Variants in ATXN7L1 observed in about 807,000 individuals in gnomAD.
ATXN7L1 encodes the protein ataxin 7 like 1.
In ATXN7L1, 15 loss-of-function variants were observed where a neutral mutation model predicts 70.8. The ratio of observed to expected loss-of-function variants is 0.21; its 90% CI spans 0.14 to 0.33. The LOEUF is 0.33. Among genes scored for constraint, ATXN7L1 ranks in the 10% least tolerant of loss-of-function variants. ATXN7L1 has a pLI of 1.00. For synonymous variants in ATXN7L1, 440 were observed against 445.1 expected (o/e 0.99, Z 0.14); for missense variants, 975 against 1,097.1 (o/e 0.89, Z 1.57).
chr7:105,681,208 C>CCT (rs1171586437), intron 3 of ATXN7L1, among the ~76,000 whole-genome samples: 2 of 152,130 alleles, frequency 1.3e-5, no homozygotes, highest in Admixed American at 1.3e-4. Flanking sequence ...GGGTGGATCA[C>CCT]GAGGTCAGGA....
At chr7:105,697,772 T>C (rs1563015367) in intron 3 of ATXN7L1, among the ~76,000 whole-genome samples, 3 of 152,222 alleles carry the variant, frequency 2.0e-5, no homozygotes, top group Non-Finnish European at 4.4e-5. Flanking sequence ...AGTATTAATT[T>C]GGGGAAGTAA....
intron 3 of ATXN7L1, chr7:105,761,507 A>T: frequency 6.2e-7 from 1 of 1,606,084 alleles, no homozygotes; most frequent in Non-Finnish European, 8.5e-7. Flanking sequence ...GAATGGTATC[A>T]ACATGGCTCC....
At chr7:105,842,549 C>CT (rs1024134232) in intron 2 of ATXN7L1, among the ~76,000 whole-genome samples, 66 of 152,100 alleles carry the variant, frequency 4.3e-4, no homozygotes, top group Non-Finnish European at 7.8e-4. Flanking sequence ...TATTTCACGC[C>CT]TTTTTTTGGC....
At chr7:105,639,430 C>G in intron 6 of ATXN7L1, 57 bp downstream of exon 6, 1 of 1,393,720 alleles carries the variant, frequency 7.2e-7, no homozygotes, top group Non-Finnish European at 1.0e-6. Flanking sequence ...GGCATGCAAA[C>G]ATTTCGACAA....
At chr7:105,683,750 C>T (rs1212934535) in intron 3 of ATXN7L1, among the ~76,000 whole-genome samples, 2 of 152,096 alleles carry the variant, frequency 1.3e-5, no homozygotes, top group Non-Finnish European at 2.9e-5. Context: ...CACAAACACA[C>T]GCACATGCAC....
intron 2 of ATXN7L1, among the ~76,000 whole-genome samples, chr7:105,862,643 T>A (rs1157659879): frequency 6.6e-6 from 1 of 151,834 alleles, no homozygotes; most frequent in Admixed American, 6.6e-5. Context: ...AGGAGGTGAT[T>A]AATTAGGAGA....
intron 8 of ATXN7L1, among the ~76,000 whole-genome samples, chr7:105,623,651 G>C (rs1291622240): frequency 6.6e-6 from 1 of 152,174 alleles, no homozygotes; most frequent in Non-Finnish European, 1.5e-5. Context: ...GCTGGCCCCT[G>C]ACACGCTGCT....
intron 7 of ATXN7L1, among the ~76,000 whole-genome samples, chr7:105,634,662 G>GA (rs1297824832): frequency 1.3e-5 from 2 of 152,020 alleles, no homozygotes; most frequent in East Asian, 3.9e-4. Flanking sequence ...GGCCTCAGAT[G>GA]AAAAAAACTA....
At position 105,604,987 on chromosome 7, in the gene ATXN7L1, A is replaced by AT. The variant is rs1473008276; in HGVS notation, c.*2864dup. 1 of 147,556 alleles carries AT rather than the reference A, an allele frequency of 6.8e-6. No homozygotes were observed. The highest frequency in any genetic ancestry group is 1.5e-5 in the Non-Finnish European group (1 of 67,092). 9.1% of individuals were successfully genotyped at this position (147,556 alleles called of 1,614,324 possible). A position where few individuals can be genotyped will look rare whatever the true frequency, so the allele number is the denominator to read the frequency against. On this transcript the variant is annotated 3_prime_UTR_variant, in exon 12 of 12. Transcript: ENST00000419735. The stretch of plus-strand genomic sequence containing the variant: ...CTATTCTCTACAAAGGTTGATCAGC[A>AT]TTATTTACAATTGGTACATTGATAC...
chr7:105,692,481 C>G (rs1188279065), intron 3 of ATXN7L1, among the ~76,000 whole-genome samples: 1 of 140,114 alleles, frequency 7.1e-6, no homozygotes, highest in Non-Finnish European at 1.5e-5. Flanking sequence ...GAGTCTGGCT[C>G]TGTCACCCAG....
At chr7:105,875,920 A>T (rs1043598043) in intron 1 of ATXN7L1, 40 bp from the exon 2 acceptor site, 2 of 1,593,968 alleles carry the variant, frequency 1.3e-6, no homozygotes, top group African/African-American at 2.7e-5. Context: ...AAATAAGGAA[A>T]AAAGGGGGGA....
chr7:105,653,993 G>T (rs182011064), intron 4 of ATXN7L1, among the ~76,000 whole-genome samples: 136 of 152,252 alleles, frequency 8.9e-4, no homozygotes, highest in Admixed American at 4.9e-3. Flanking sequence ...CTATGGCAAG[G>T]TTTTATTTCT....
chr7:105,836,277 T>C (rs747528411), intron 2 of ATXN7L1, among the ~76,000 whole-genome samples: 1 of 152,060 alleles, frequency 6.6e-6, no homozygotes, highest in African/African-American at 2.4e-5. Flanking sequence ...CAAGAGAAAA[T>C]ATTTAGCCGA....
At chr7:105,827,729 A>G (rs550475348) in intron 2 of ATXN7L1, among the ~76,000 whole-genome samples, 5 of 152,270 alleles carry the variant, frequency 3.3e-5, no homozygotes, top group African/African-American at 1.2e-4. Context: ...CAACAACCCT[A>G]TGAAGTAGCT....
intron 3 of ATXN7L1, among the ~76,000 whole-genome samples, chr7:105,716,421 G>C (rs1794554041): frequency 6.6e-6 from 1 of 151,934 alleles, no homozygotes; most frequent in Non-Finnish European, 1.5e-5. Context: ...TTTTATATGG[G>C]GGCCCAGTTG....
chr7:105,749,051 T>C (rs1480358750), intron 3 of ATXN7L1, among the ~76,000 whole-genome samples: 3 of 152,166 alleles, frequency 2.0e-5, no homozygotes, highest in Non-Finnish European at 2.9e-5. Flanking sequence ...AATTCGCCCC[T>C]CACTTTGGAA....
chr7:105,667,584 A>C (rs906196156), intron 3 of ATXN7L1, among the ~76,000 whole-genome samples: 2 of 132,662 alleles, frequency 1.5e-5, no homozygotes, highest in African/African-American at 5.2e-5. Context: ...CTGTAGTCCC[A>C]GCTACTTGGG....
intron 3 of ATXN7L1, among the ~76,000 whole-genome samples, chr7:105,710,564 C>G (rs566469633): frequency 2.0e-5 from 3 of 151,930 alleles, no homozygotes; most frequent in African/African-American, 4.8e-5. Context: ...CCTGCCACCA[C>G]GTCTGGCTAA....
At chr7:105,642,693 G>C in intron 5 of ATXN7L1, 145 bp downstream of exon 5, 2 of 1,028,256 alleles carry the variant, frequency 1.9e-6, no homozygotes, top group Non-Finnish European at 2.8e-6. Context: ...ATTTTTAGGT[G>C]GGGTTCCTGT....
Sources: allele counts gnomAD v4.1 joint callset (sites outside exome capture counted in the v4.1 genomes callset), GRCh38; gene constraint gnomAD v4.1.1; transcripts MANE v1.5; gene names NCBI Gene and HGNC (gene_info 2026-07-23, HGNC 2026-07-21).